The following KLHL6 variants were observed in gnomAD, a reference collection of about 807,000 sequenced individuals.
KLHL6 encodes the protein kelch-like protein 6.
KLHL6 carries 41 observed loss-of-function variants against 58.6 expected under a neutral mutation model. That is an observed-to-expected ratio of 0.70 (90% CI 0.55 to 0.91). The LOEUF is 0.91. Ranked by LOEUF, KLHL6 falls within the 40% of genes least tolerant of loss-of-function variation. The pLI is 0.00. For synonymous variants in KLHL6, 338 were observed against 322.7 expected (o/e 1.05, Z -0.51); for missense variants, 714 against 805.6 (o/e 0.89, Z 1.38).
chr3:183,513,738 G>T (rs1305667292), intron 2 of KLHL6, among the ~76,000 whole-genome samples: 1 of 152,026 alleles, frequency 6.6e-6, no homozygotes, highest in Non-Finnish European at 1.5e-5. Flanking sequence ...TAAATTCTGG[G>T]ACACTCGTGC....
rs144700561 is a variant in KLHL6 at position 183,533,789 on chromosome 3, C to T, written c.294-5779G>A. On this transcript the variant is annotated intron_variant, in intron 1 of 6. Coordinates refer to ENST00000341319, the MANE Select transcript of KLHL6 (RefSeq NM_130446.4). ...CTGTCCTTCCGCCTCCGTCCTTCCC[C>T]CTCTGTCCTTGTTGTTTTAATCAAT... 2.6e-3 allele frequency among the ~76,000 whole-genome samples: 398 copies of T among 151,982 alleles called. 2 individuals are homozygous for T. The highest frequency in any genetic ancestry group is 9.2e-3 in the African/African-American group (382 of 41,426).
chr3:183,527,042 G>A (rs1449287949), intron 2 of KLHL6, among the ~76,000 whole-genome samples: 1 of 151,776 alleles, frequency 6.6e-6, no homozygotes, highest in Admixed American at 6.6e-5. Context: ...GAGGTTGCAG[G>A]GGGCCAAGAT....
Position 183,492,050 on chromosome 3 carries a change from G to A in KLHL6, c.1743C>T (p.Pro581=), listed in dbSNP as rs373496199. The change falls in exon 7 of 7, where the codon CCC becomes CCT. Residue 581 remains proline (P), a synonymous_variant. Transcript: ENST00000341319. The surrounding 1 kb of genome is among the most constrained non-coding windows in gnomAD (Gnocchi z 5.9). The stretch of plus-strand genomic sequence containing the variant: ...ACTCCTCTGTCAGTTTCTGGGCCTC[G>A]GGGTCCCAGCACAGCACCGTGGCGA... The part of the protein sequence containing the change: ...EVIATVLCWD[P]EAQKLTEECV... 11 of 1,613,846 alleles carry A rather than the reference G, an allele frequency of 6.8e-6. No individual in the cohort carries two copies. The East Asian group carries it at 1.8e-4, about 26-fold the overall frequency.
chr3:183,530,827 T>C (rs898927617), intron 1 of KLHL6, among the ~76,000 whole-genome samples: 3 of 138,610 alleles, frequency 2.2e-5, no homozygotes, highest in Non-Finnish European at 4.6e-5. Flanking sequence ...GCTGTGAACA[T>C]GCATTTTTTT....
intron 1 of KLHL6, among the ~76,000 whole-genome samples, chr3:183,533,551 A>G (rs1412354089): frequency 6.6e-6 from 1 of 151,922 alleles, no homozygotes; most frequent in Admixed American, 6.6e-5. Context: ...GATTACAGGC[A>G]TGAGCCTCCG....
At chr3:183,538,296 C>T (rs1221014564) in intron 1 of KLHL6, among the ~76,000 whole-genome samples, 1 of 152,180 alleles carries the variant, frequency 6.6e-6, no homozygotes, top group East Asian at 1.9e-4. Flanking sequence ...CTCCACACCT[C>T]TGAACTCCCT....
At chr3:183,512,429 C>T (rs1254195626) in intron 2 of KLHL6, among the ~76,000 whole-genome samples, 2 of 151,868 alleles carry the variant, frequency 1.3e-5, no homozygotes, top group Non-Finnish European at 2.9e-5. Context: ...ATCTTTTAGA[C>T]ATAACTGAAA....
At chr3:183,522,562 A>C (rs987984117) in intron 2 of KLHL6, 8 of 152,356 alleles carry the variant, frequency 5.3e-5, no homozygotes, top group Middle Eastern at 3.4e-3. Context: ...TATGGTGTTG[A>C]ATAGATATAA....
chr3:183,514,288 C>A (rs766886851), intron 2 of KLHL6, among the ~76,000 whole-genome samples: 2 of 152,110 alleles, frequency 1.3e-5, no homozygotes, highest in Non-Finnish European at 2.9e-5. Flanking sequence ...AGTCCTACCC[C>A]CACCCCTTCA....
chr3:183,527,513 C>G (rs534674811), intron 2 of KLHL6, among the ~76,000 whole-genome samples: 1 of 152,264 alleles, frequency 6.6e-6, no homozygotes, highest in African/African-American at 2.4e-5. Context: ...GCCACTGGCT[C>G]CAATTAAGCT....
chr3:183,492,655 T>C lies in KLHL6; in HGVS notation c.1403A>G (p.Lys468Arg), dbSNP rs1363253082. Reference protein sequence around the residue: ...VSSFAATSHKKKLYVIGGGPN... With the variant: ...VSSFAATSHKRKLYVIGGGPN... ...CCCTCCCCCGATCACATACAGCTTCTTCTTATGGCTGGTGGCTGCAAAGGA... is the reference window on the plus strand; with the variant it reads ...CCCTCCCCCGATCACATACAGCTTCCTCTTATGGCTGGTGGCTGCAAAGGA... The change falls in exon 6 of 7, where the codon AAG (lysine) becomes AGG (arginine). Residue 468 changes from lysine (K) to arginine (R), a missense_variant. This residue lies in a region of KLHL6 where 510 missense variants were observed against 629.7 expected (regional missense o/e 0.81). Transcript: ENST00000341319. The surrounding 1 kb of genome is among the most constrained non-coding windows in gnomAD (Gnocchi z 5.9). 1.2e-6 allele frequency: 2 copies of C among 1,614,096 alleles called. No homozygotes were observed. Among genetic ancestry groups the C allele is most frequent in the African/African-American group, 1.3e-5 (1 of 75,062 alleles).
intron 2 of KLHL6, among the ~76,000 whole-genome samples, chr3:183,509,022 T>C (rs542056946): frequency 1.3e-5 from 2 of 152,176 alleles, no homozygotes; most frequent in Non-Finnish European, 2.9e-5. Flanking sequence ...CATGGGAACA[T>C]GATCAGCAAA....
intron 2 of KLHL6, among the ~76,000 whole-genome samples, chr3:183,523,769 GT>G (rs1324449102): frequency 6.6e-6 from 1 of 151,332 alleles, no homozygotes; most frequent in Non-Finnish European, 1.5e-5. Context: ...GTTTTGTTTT[GT>G]TTTGTTTTAA....
chr3:183,489,870 C>T lies in KLHL6; in HGVS notation c.*2057G>A, dbSNP rs963615327. On this transcript the variant is annotated 3_prime_UTR_variant, in exon 7 of 7. Coordinates refer to ENST00000341319, the MANE Select transcript of KLHL6 (RefSeq NM_130446.4). ...AAATATTAGCTTCTTCTAACCGTGA[C>T]TGTTTAATGAAAATTCAATTCACTA... 6.6e-6 allele frequency: 1 copy of T among 152,174 alleles called. No individual in the cohort carries two copies. Among genetic ancestry groups the T allele is most frequent in the Admixed American group, 6.5e-5 (1 of 15,282 alleles). The allele number at this position is 152,174 out of a possible 1,614,324, so 9.4% of individuals were successfully genotyped here.
intron 1 of KLHL6, among the ~76,000 whole-genome samples, chr3:183,532,240 C>G (rs530249831): frequency 6.6e-6 from 1 of 152,194 alleles, no homozygotes; most frequent in Non-Finnish European, 1.5e-5. Context: ...CTCCTGCTCA[C>G]GCACCGAGGA....
Position 183,513,391 on chromosome 3 carries a change from A to G in KLHL6, c.460-4883T>C, listed in dbSNP as rs576546732. Among the ~76,000 whole-genome samples the G allele has an allele frequency of 6.7e-4, 102 of 152,394 alleles. 1 individual carries two copies. The highest frequency in any genetic ancestry group is 2.4e-3 in the African/African-American group (100 of 41,592). Reference sequence around the variant, plus strand: ...CTGATTCCAAAAATGCATGTTTTTTATACTATTTCAAGCTGCTGCAGGTCA... The same window carrying G: ...CTGATTCCAAAAATGCATGTTTTTTGTACTATTTCAAGCTGCTGCAGGTCA... On this transcript the variant is annotated intron_variant, in intron 2 of 6. Transcript: ENST00000341319.
chr3:183,531,458 T>TTTTTTG (rs1712161084), intron 1 of KLHL6, among the ~76,000 whole-genome samples: 1 of 140,114 alleles, frequency 7.1e-6, no homozygotes, highest in African/African-American at 2.7e-5. Context: ...TTTTTTTTTT[T>TTTTTTG]TTTTTTTTTG....
intron 2 of KLHL6, among the ~76,000 whole-genome samples, chr3:183,527,616 T>C (rs182199869): frequency 5.3e-5 from 8 of 152,244 alleles, no homozygotes; most frequent in Admixed American, 5.2e-4. Context: ...AAGGAGTCAA[T>C]GCCCTATCTC....
intron 2 of KLHL6, among the ~76,000 whole-genome samples, chr3:183,523,921 G>A (rs1711857142): frequency 6.6e-6 from 1 of 151,988 alleles, no homozygotes; most frequent in Non-Finnish European, 1.5e-5. Flanking sequence ...CACCACACCT[G>A]GCTAATTTTT....
Sources: gnomAD v4.1 joint callset for allele counts (sites outside exome capture counted in the v4.1 genomes callset) on GRCh38, gnomAD v4.1.1 for gene constraint, gnomAD v4.1.1 regional missense constraint, Gnocchi (gnomAD v3.1) non-coding constraint, MANE v1.5 for transcripts, NCBI Gene and HGNC (gene_info 2026-07-23, HGNC 2026-07-21) for gene names.